The following INPP4B variants were observed in gnomAD, a reference collection of about 807,000 sequenced individuals.
INPP4B encodes the protein inositol polyphosphate-4-phosphatase type II B, also known as inositol polyphosphate 4-phosphatase type II.
A neutral mutation model predicts 122.5 loss-of-function variants in INPP4B; 55 were observed. That is an observed-to-expected ratio of 0.45 (90% CI 0.36 to 0.56). INPP4B has a LOEUF of 0.56. Ranked by LOEUF, INPP4B falls within the 20% of genes least tolerant of loss-of-function variation. INPP4B has a pLI of 0.00. For missense variants in INPP4B, 1,000 were observed against 1,097.7 expected (o/e 0.91, Z 1.26); for synonymous variants, 403 against 388.7 (o/e 1.04, Z -0.43).
chr4:142,450,586 T>C (rs530160668), intron 3 of INPP4B, among the ~76,000 whole-genome samples: 125 of 152,352 alleles, frequency 8.2e-4, no homozygotes, highest in African/African-American at 2.9e-3. Context: ...GTTTGTGAAA[T>C]TCATTTTAGT....
intron 2 of INPP4B, among the ~76,000 whole-genome samples, chr4:142,694,603 T>C (rs938852994): frequency 6.6e-6 from 1 of 152,186 alleles, no homozygotes; most frequent in African/African-American, 2.4e-5. Context: ...TTTTTAGAAT[T>C]GTTTAACTTG....
chr4:142,079,699 T>C (rs112082890), intron 25 of INPP4B, among the ~76,000 whole-genome samples: 1 of 152,044 alleles, frequency 6.6e-6, no homozygotes, highest in African/African-American at 2.4e-5. Context: ...TATTCAGGGA[T>C]TGTGATGCTT....
At chr4:142,123,646 G>A (rs1035649666) in intron 19 of INPP4B, among the ~76,000 whole-genome samples, 3 of 152,084 alleles carry the variant, frequency 2.0e-5, no homozygotes, top group Non-Finnish European at 4.4e-5. Flanking sequence ...ACATGGACAG[G>A]AGTAAGGTTG....
intron 2 of INPP4B, among the ~76,000 whole-genome samples, chr4:142,639,434 T>C (rs961103965): frequency 2.6e-5 from 4 of 152,196 alleles, no homozygotes; most frequent in Non-Finnish European, 4.4e-5. Flanking sequence ...ATTCAGATTG[T>C]CTATTTCTTC....
intron 1 of INPP4B, among the ~76,000 whole-genome samples, chr4:142,806,693 G>A (rs1349638194): frequency 6.6e-6 from 1 of 150,942 alleles, no homozygotes; most frequent in African/African-American, 2.4e-5. Context: ...GCAGTGAGCT[G>A]ACATCATGCC....
rs188087954 is a variant in INPP4B, at chr4:142,295,741, T to A, written c.503+9717A>T. 8.8e-3 allele frequency among the ~76,000 whole-genome samples: 1,324 copies of A among 149,916 alleles called. 9 individuals are homozygous for A. The highest frequency in any genetic ancestry group is 0.013 in the Non-Finnish European group (870 of 67,224). On this transcript the variant is annotated intron_variant, in intron 9 of 25. Transcript: ENST00000262992. ...AGGAAAGAAATTCACTTTCCCTTTT[T>A]TTTTTCTTTTCTTTTTTTTTTAGAG...
Position 142,653,683 on chromosome 4 carries a change from C to A in INPP4B, c.-191+72156G>T, listed in dbSNP as rs551632362. On this transcript the variant is annotated intron_variant, in intron 2 of 25. Transcript: ENST00000262992. ...AACCACAATGAGATACCATCTCATA[C>A]CAATTAGAATGCCAATCATTAAAAT... Among the ~76,000 whole-genome samples the A allele has an allele frequency of 5.3e-5, 8 of 152,194 alleles. No individual in the cohort carries two copies. The South Asian group carries it at 1.4e-3, about 28-fold the overall frequency.
intron 7 of INPP4B, among the ~76,000 whole-genome samples, chr4:142,379,081 A>G (rs948217725): frequency 4.6e-5 from 7 of 152,162 alleles, no homozygotes; most frequent in Admixed American, 1.3e-4. Context: ...CGATATAACT[A>G]TCAGTGCCCT....
chr4:142,468,054 G>A (rs1349422316), intron 2 of INPP4B: 2 of 152,086 alleles, frequency 1.3e-5, no homozygotes, highest in Non-Finnish European at 2.9e-5. Flanking sequence ...CTCCTGTAAA[G>A]CCTGAAAAAC....
intron 2 of INPP4B, among the ~76,000 whole-genome samples, chr4:142,507,596 C>T (rs1438811198): frequency 6.6e-6 from 1 of 151,958 alleles, no homozygotes; most frequent in African/African-American, 2.4e-5. Flanking sequence ...CTACCCTATT[C>T]CTTTAAACAA....
intron 7 of INPP4B, among the ~76,000 whole-genome samples, chr4:142,375,463 T>G (rs1791491768): frequency 6.6e-6 from 1 of 151,916 alleles, no homozygotes; most frequent in Admixed American, 6.6e-5. Flanking sequence ...CCAAACCCTG[T>G]GGCTGTTTGC....
chr4:142,579,888 T>C (rs1159835538), intron 2 of INPP4B, among the ~76,000 whole-genome samples: 2 of 113,158 alleles, frequency 1.8e-5, no homozygotes, highest in African/African-American at 6.9e-5. Flanking sequence ...GGTAGATAGA[T>C]AGATAGATAG....
In INPP4B at chr4:142,026,140, G is replaced by A. The variant is rs1431878757; in HGVS notation, c.*2642C>T. The stretch of plus-strand genomic sequence containing the variant: ...GACCTCCTAAAATAGGTCTGCTGGT[G>A]TATCTTTTAAGTGAAAATATAGATA... On this transcript the variant is annotated 3_prime_UTR_variant, in exon 26 of 26. Transcript: ENST00000262992. The A allele has an allele frequency of 1.3e-5, 2 of 152,146 alleles. No homozygotes were observed. The highest frequency in any genetic ancestry group is 1.9e-4 in the East Asian group (1 of 5,186). 9.4% of individuals were successfully genotyped at this position (152,146 alleles called of 1,614,324 possible).
intron 14 of INPP4B, among the ~76,000 whole-genome samples, chr4:142,197,565 C>T (rs79888460): frequency 2.0e-5 from 3 of 152,108 alleles, no homozygotes; most frequent in East Asian, 3.9e-4. Context: ...GACTCATATT[C>T]TTCACTGGAT....
chr4:142,782,843 C>T (rs1212388789), intron 1 of INPP4B, among the ~76,000 whole-genome samples: 1 of 152,058 alleles, frequency 6.6e-6, no homozygotes, highest in Non-Finnish European at 1.5e-5. Context: ...CAGAACAGAG[C>T]CCTCAGAAAT....
rs2152843244 is a variant in INPP4B at position 142,145,914 on chromosome 4, C to T, written c.1646G>A (p.Ser549Asn). Residue 549 changes from serine (S) to asparagine (N), a missense_variant, in exon 18 of 26, where the codon AGT (serine) becomes AAT (asparagine). Transcript: ENST00000262992. ...ATCATTGTTGCCGCCACTGCCTTCACTGCCACCATCTCTTTCAATCAGTTT... is the reference window on the plus strand; with the variant it reads ...ATCATTGTTGCCGCCACTGCCTTCATTGCCACCATCTCTTTCAATCAGTTT... ...VDKLIERDGG[S>N]EGSGGNNDGE... The T allele has an allele frequency of 2.5e-6, 4 of 1,613,916 alleles. No individual in the cohort carries two copies. Among genetic ancestry groups the T allele is most frequent in the Non-Finnish European group, 3.4e-6 (4 of 1,179,818 alleles).
At position 142,198,076 on chromosome 4, in the gene INPP4B, AAAG is replaced by A; in HGVS notation, c.1073-4884_1073-4882del. Among the ~76,000 whole-genome samples the A allele has an allele frequency of 2.0e-5, 3 of 152,244 alleles. No individual in the cohort carries two copies. The South Asian group carries it at 6.2e-4, about 32-fold the overall frequency. On this transcript the variant is annotated intron_variant, in intron 14 of 25. Transcript: ENST00000262992. ...TAGAGATTTTTTGTGATCACATCAA[AAAG>A]AAGACTAAACATTCATTGTTAATTG...
chr4:142,314,636 C>G, intron 8 of INPP4B, 76 bp downstream of exon 8: 1 of 1,342,038 alleles, frequency 7.5e-7, no homozygotes, highest in South Asian at 1.3e-5. Context: ...AGTTACCAAG[C>G]AGGAGGCCAG....
intron 8 of INPP4B, among the ~76,000 whole-genome samples, chr4:142,306,592 T>G (rs1270072169): frequency 6.6e-6 from 1 of 152,206 alleles, no homozygotes; most frequent in Admixed American, 6.6e-5. Flanking sequence ...AAAGGCTGCA[T>G]CCACACTCAG....
Sources: allele counts gnomAD v4.1 joint callset (sites outside exome capture counted in the v4.1 genomes callset), GRCh38; gene constraint gnomAD v4.1.1; transcripts MANE v1.5; gene names NCBI Gene and HGNC (gene_info 2026-07-23, HGNC 2026-07-21).